The following FTCDNL1 variants were observed in gnomAD, a reference collection of about 807,000 sequenced individuals.
FTCDNL1 encodes the protein formiminotransferase cyclodeaminase N-terminal like, also known as formiminotransferase N-terminal subdomain-containing protein.
FTCDNL1 carries 11 observed loss-of-function variants against 5.9 expected under a neutral mutation model. The observed-to-expected ratio is 1.87, with a 90% CI of 1.18 to 3.10. The LOEUF (loss-of-function observed/expected upper bound fraction) is 3.10, where lower values mean the gene tolerates loss of function less well. Ranked by LOEUF, FTCDNL1 falls within the 30% of genes most tolerant of loss-of-function variation. The pLI, the probability that FTCDNL1 is intolerant of heterozygous loss-of-function variation, is 0.00. For synonymous variants in FTCDNL1, 58 were observed against 24.8 expected (o/e 2.34, Z -3.99); for missense variants, 115 against 65.5 (o/e 1.76, Z -2.61).
the FTCDNL1 span, among the ~76,000 whole-genome samples, chr2:199,721,912 C>T: frequency 1.3e-5 from 2 of 152,312 alleles, no homozygotes; most frequent in Admixed American, 1.3e-4. Context: ...TCGTTGGCTG[C>T]ATAGATGTCT....
At chr2:199,692,366 T>C in the FTCDNL1 span, among the ~76,000 whole-genome samples, 3 of 152,218 alleles carry the variant, frequency 2.0e-5, no homozygotes, top group African/African-American at 4.8e-5. Context: ...TCGTTTTTTG[T>C]AATATGAATA....
the FTCDNL1 span, among the ~76,000 whole-genome samples, chr2:199,745,128 G>T: frequency 6.6e-6 from 1 of 152,344 alleles, no homozygotes; most frequent in East Asian, 1.9e-4. Flanking sequence ...GACAAATGCA[G>T]ATTGCCACTT....
At chr2:199,813,945 A>G (rs927046255) in intron 4 of FTCDNL1, among the ~76,000 whole-genome samples, 4 of 144,712 alleles carry the variant, frequency 2.8e-5, no homozygotes, top group East Asian at 2.1e-4. Context: ...AAAAAAAAAT[A>G]CTTTTTTACT....
At chr2:199,819,320 T>C (rs954301148) in intron 4 of FTCDNL1, 4 of 472,222 alleles carry the variant, frequency 8.5e-6, no homozygotes, top group African/African-American at 5.8e-5. Flanking sequence ...AGTGATCACG[T>C]TGCAGGGCTA....
At chr2:199,670,594 C>G in the FTCDNL1 span, among the ~76,000 whole-genome samples, 2 of 152,090 alleles carry the variant, frequency 1.3e-5, no homozygotes, top group East Asian at 1.9e-4. Flanking sequence ...TGATGGAGAC[C>G]TTTAAACCTT....
intron 3 of FTCDNL1, among the ~76,000 whole-genome samples, chr2:199,799,294 T>A: frequency 6.6e-6 from 1 of 152,038 alleles, no homozygotes; most frequent in East Asian, 1.9e-4. Context: ...AGAAAAAAAA[T>A]AGCCCAATGG....
chr2:199,773,999 A>G (rs1251581578), intron 3 of FTCDNL1, among the ~76,000 whole-genome samples: 2 of 152,210 alleles, frequency 1.3e-5, no homozygotes, highest in African/African-American at 2.4e-5. Flanking sequence ...TTTAGTCAAT[A>G]GAGTGTCCTC....
At chr2:199,704,951 G>A in the FTCDNL1 span, among the ~76,000 whole-genome samples, 1 of 152,118 alleles carries the variant, frequency 6.6e-6, no homozygotes, top group African/African-American at 2.4e-5. Flanking sequence ...CCACTAAGAG[G>A]ACTGAGGTTC....
chr2:199,728,352 T>G, the FTCDNL1 span, among the ~76,000 whole-genome samples: 1 of 152,160 alleles, frequency 6.6e-6, no homozygotes, highest in East Asian at 1.9e-4. Flanking sequence ...GTTCATGCCA[T>G]TCTCCTGCCT....
At chr2:199,751,992 G>A in the FTCDNL1 span, among the ~76,000 whole-genome samples, 90 of 152,112 alleles carry the variant, frequency 5.9e-4, 2 homozygotes, top group East Asian at 0.014. Flanking sequence ...AGGGAGCCAC[G>A]GGTGGATCAC....
chr2:199,686,870 T>C, the FTCDNL1 span, among the ~76,000 whole-genome samples: 2 of 152,194 alleles, frequency 1.3e-5, no homozygotes, highest in African/African-American at 4.8e-5. Flanking sequence ...GAATAGATAT[T>C]TGGAATTCTA....
intron 3 of FTCDNL1, among the ~76,000 whole-genome samples, chr2:199,782,173 T>A (rs1290345980): frequency 6.6e-6 from 1 of 152,200 alleles, no homozygotes; most frequent in Non-Finnish European, 1.5e-5. Flanking sequence ...TTTGTGATAG[T>A]TCACTCTCAT....
chr2:199,703,631 G>A, the FTCDNL1 span, among the ~76,000 whole-genome samples: 1 of 152,106 alleles, frequency 6.6e-6, no homozygotes, highest in African/African-American at 2.4e-5. Flanking sequence ...CAAGAGGTGT[G>A]AAGGTTAAAA....
the FTCDNL1 span, among the ~76,000 whole-genome samples, chr2:199,724,468 T>C: frequency 6.6e-6 from 1 of 152,178 alleles, no homozygotes; most frequent in African/African-American, 2.4e-5. Context: ...CTTTTAGTTG[T>C]GACATTAGGA....
chr2:199,677,937 G>T, the FTCDNL1 span, among the ~76,000 whole-genome samples: 1 of 152,150 alleles, frequency 6.6e-6, no homozygotes, highest in African/African-American at 2.4e-5. Flanking sequence ...AAACTTAAAC[G>T]TCAAGTATGG....
chr2:199,820,949 A>G (rs1701644844), intron 3 of FTCDNL1, among the ~76,000 whole-genome samples: 1 of 152,198 alleles, frequency 6.6e-6, no homozygotes, highest in Non-Finnish European at 1.5e-5. Flanking sequence ...ACGGATCATC[A>G]AAATCAGAGC....
chr2:199,707,844 T>A, the FTCDNL1 span, among the ~76,000 whole-genome samples: 1 of 152,110 alleles, frequency 6.6e-6, no homozygotes, highest in African/African-American at 2.4e-5. Context: ...CACAATGCAC[T>A]ATTTTTTTCT....
At chr2:199,763,207 C>T (rs1698353266) in intron 3 of FTCDNL1, among the ~76,000 whole-genome samples, 1 of 152,160 alleles carries the variant, frequency 6.6e-6, no homozygotes, top group Non-Finnish European at 1.5e-5. Context: ...CAGGGCTTCA[C>T]CCTTACTAAT....
intron 3 of FTCDNL1, among the ~76,000 whole-genome samples, chr2:199,844,172 T>G (rs924339076): frequency 1.3e-4 from 20 of 152,002 alleles, no homozygotes; most frequent in Non-Finnish European, 2.5e-4. Context: ...TTTTTTTTTT[T>G]GCCATATCCC....
Sources: allele counts gnomAD v4.1 joint callset (sites outside exome capture counted in the v4.1 genomes callset), GRCh38; gene constraint gnomAD v4.1.1; transcripts MANE v1.5; gene names NCBI Gene and HGNC (gene_info 2026-07-23, HGNC 2026-07-21).